Variants in DNAH14 observed in about 807,000 individuals in gnomAD.
The protein encoded by DNAH14 is axonemal beta dynein heavy chain 14.
DNAH14 carries 478 observed loss-of-function variants against 520.9 expected under a neutral mutation model. That is an observed-to-expected ratio of 0.92 (90% confidence interval 0.85 to 0.99). The LOEUF (loss-of-function observed/expected upper bound fraction) is 0.99. Among genes scored for constraint, DNAH14 ranks in the 50% least tolerant of loss-of-function variants. The pLI is 0.00. For missense variants in DNAH14, 4,831 were observed against 5,234.5 expected (o/e 0.92, Z 2.38); for synonymous variants, 1,581 against 1,757.2 (o/e 0.90, Z 2.51).
At chr1:225,268,965 T>C (rs1358553320) in intron 49 of DNAH14, among the ~76,000 whole-genome samples, 2 of 152,156 alleles carry the variant, frequency 1.3e-5, no homozygotes, top group East Asian at 3.9e-4. Context: ...CTTCACAGAA[T>C]TGGAAAAAAC....
chr1:225,240,852 A>G (rs2091922364), intron 43 of DNAH14, 30 bp downstream of exon 43: 1 of 1,389,828 alleles, frequency 7.2e-7, no homozygotes, highest in Non-Finnish European at 9.8e-7. Context: ...TCATAACTAT[A>G]CTTATTTTAA....
In DNAH14 at chr1:225,086,990, C is replaced by CCACACA. The variant is rs57900981; in HGVS notation, c.3573+1242_3573+1247dup. Among the ~76,000 whole-genome samples the CCACACA allele has an allele frequency of 4.1e-3, 605 of 146,860 alleles. 4 individuals carry two copies. The highest frequency in any genetic ancestry group is 0.013 in the South Asian group (60 of 4,562). ...CACATTCAAGAAGCTGAAAAGAACA[C>CCACACA]CACACACACACACACACACACACAC... On this transcript the variant is annotated intron_variant, in intron 21 of 85. Coordinates refer to ENST00000682510, the MANE Select transcript of DNAH14 (RefSeq NM_001367479.1).
At chr1:224,953,120 A>C (rs1199921203) in intron 2 of DNAH14, 1 of 153,500 alleles carries the variant, frequency 6.5e-6, no homozygotes, top group African/African-American at 2.9e-5. Context: ...CATTAGATAC[A>C]TAGAAATACT....
intron 8 of DNAH14, among the ~76,000 whole-genome samples, chr1:224,976,466 C>G (rs1046711183): frequency 6.6e-6 from 1 of 152,004 alleles, no homozygotes; most frequent in Non-Finnish European, 1.5e-5. Context: ...GTAATGGCAA[C>G]GAAAGCCAAA....
chr1:225,085,520 TA>T, intron 20 of DNAH14, 23 bp from the exon 21 acceptor site: 1 of 1,524,592 alleles, frequency 6.6e-7, no homozygotes, highest in East Asian at 2.5e-5. Context: ...TACTGGATAC[TA>T]AAGAATACTT....
chr1:225,062,912 G>A (rs1287262278), intron 17 of DNAH14, among the ~76,000 whole-genome samples: 3 of 152,006 alleles, frequency 2.0e-5, no homozygotes, highest in South Asian at 2.1e-4. Flanking sequence ...AATCAGATAC[G>A]TAACATGTAA....
Position 225,318,010 on chromosome 1 carries a change from T to C in DNAH14, c.9241-573T>C, listed in dbSNP as rs575989818. Reference sequence around the variant, plus strand: ...TAACTGTGAGCAATATAAATATAATTCCCAAGTCAACTTTTTAGCCAGATC... The same window carrying C: ...TAACTGTGAGCAATATAAATATAATCCCCAAGTCAACTTTTTAGCCAGATC... On this transcript the variant is annotated intron_variant, in intron 60 of 85. Coordinates refer to ENST00000682510, the MANE Select transcript of DNAH14 (RefSeq NM_001367479.1). Among the ~76,000 whole-genome samples the C allele has an allele frequency of 3.9e-5, 6 of 152,322 alleles. No individual in the cohort carries two copies. The South Asian group carries it at 1.2e-3, about 32-fold the overall frequency.
chr1:225,067,433 G>T (rs574136322), intron 17 of DNAH14, among the ~76,000 whole-genome samples: 1 of 152,128 alleles, frequency 6.6e-6, no homozygotes, highest in African/African-American at 2.4e-5. Flanking sequence ...ATATATGTAT[G>T]CATGTGTCTT....
intron 15 of DNAH14, among the ~76,000 whole-genome samples, chr1:225,046,921 ACTT>A (rs748683804): frequency 3.3e-4 from 50 of 152,158 alleles, no homozygotes; most frequent in Non-Finnish European, 5.6e-4. Context: ...TCTTGTGACT[ACTT>A]CCTTAGTTTC....
At chr1:224,958,718 G>A (rs1476474360) in intron 3 of DNAH14, among the ~76,000 whole-genome samples, 1 of 152,018 alleles carries the variant, frequency 6.6e-6, no homozygotes, top group Non-Finnish European at 1.5e-5. Context: ...GTGATGGGAG[G>A]ACATCTAGAA....
intron 83 of DNAH14, 144 bp downstream of exon 83, chr1:225,390,017 A>C: frequency 1.4e-6 from 1 of 716,814 alleles, no homozygotes. Flanking sequence ...TGTGCACCAG[A>C]GCAGTCTCTT....
chr1:225,359,829 C>T (rs1411712908), intron 74 of DNAH14, among the ~76,000 whole-genome samples: 7 of 152,210 alleles, frequency 4.6e-5, no homozygotes, highest in Non-Finnish European at 1.5e-5. Flanking sequence ...TTATACAACA[C>T]TTTTATTTTA....
chr1:225,144,665 C>A (rs1360046287), intron 29 of DNAH14, 37 bp downstream of exon 29: 1 of 1,484,220 alleles, frequency 6.7e-7, no homozygotes, highest in Admixed American at 2.2e-5. Flanking sequence ...AAACTTTTTT[C>A]TTTTTCTGTC....
chr1:224,979,886 T>C (rs2501136), intron 8 of DNAH14, among the ~76,000 whole-genome samples: 1 of 152,060 alleles, frequency 6.6e-6, no homozygotes, highest in Non-Finnish European at 1.5e-5. Flanking sequence ...AGACATACCC[T>C]GGACTAGAAG....
chr1:225,308,630 G>C (rs1260748497), intron 60 of DNAH14, among the ~76,000 whole-genome samples: 1 of 152,110 alleles, frequency 6.6e-6, no homozygotes, highest in Non-Finnish European at 1.5e-5. Context: ...CCCTGTCCTT[G>C]AGAAACCCAC....
chr1:225,079,192 A>G lies in DNAH14; in HGVS notation c.2425-15A>G. The G allele has an allele frequency of 6.6e-7, 1 of 1,523,196 alleles. No individual in the cohort carries two copies. The highest frequency in any genetic ancestry group is 2.3e-4 in the Middle Eastern group (1 of 4,434). The allele number at this position is 1,523,196 out of a possible 1,614,324, so 94.4% of individuals were successfully genotyped here. On this transcript the variant is annotated splice_polypyrimidine_tract_variant and intron_variant, in intron 17 of 85. Transcript: ENST00000682510. Reference sequence around the variant, plus strand: ...AAAAGTCATTACACAATTATAATTGACATGTTGATTTCAGGTTGTGGAATC... The same window carrying G: ...AAAAGTCATTACACAATTATAATTGGCATGTTGATTTCAGGTTGTGGAATC...
intron 42 of DNAH14, among the ~76,000 whole-genome samples, chr1:225,237,377 C>T (rs1326104059): frequency 1.3e-5 from 2 of 152,068 alleles, no homozygotes; most frequent in Non-Finnish European, 2.9e-5. Context: ...GCCTATGAAG[C>T]TTAGTTTGAC....
chr1:225,324,039 C>A (rs898602078), intron 62 of DNAH14, among the ~76,000 whole-genome samples, 183 bp from the exon 63 acceptor site: 3 of 152,136 alleles, frequency 2.0e-5, no homozygotes, highest in African/African-American at 4.8e-5. Context: ...TGGTCTCGAA[C>A]TCCTGACCTC....
At chr1:225,105,825 C>G (rs1255494533) in intron 23 of DNAH14, among the ~76,000 whole-genome samples, 1 of 152,040 alleles carries the variant, frequency 6.6e-6, no homozygotes, top group African/African-American at 2.4e-5. Flanking sequence ...ACTGATGGTT[C>G]TTGACTCTTT....
Sources: gnomAD v4.1 joint callset for allele counts (sites outside exome capture counted in the v4.1 genomes callset) on GRCh38, gnomAD v4.1.1 for gene constraint, MANE v1.5 for transcripts, NCBI Gene and HGNC (gene_info 2026-07-23, HGNC 2026-07-21) for gene names.